Variants in PRPF6 observed in about 807,000 individuals in gnomAD.
The protein encoded by PRPF6 is pre-mRNA-processing factor 6.
PRPF6 carries 42 observed loss-of-function variants against 118.3 expected under a neutral mutation model. The ratio of observed to expected loss-of-function variants is 0.35; its 90% CI spans 0.28 to 0.46. PRPF6 has a LOEUF of 0.46. Ranked by LOEUF, PRPF6 falls within the 20% of genes least tolerant of loss-of-function variation. The pLI is 1.00. For synonymous variants in PRPF6, 481 were observed against 485.1 expected, an observed-to-expected ratio of 0.99 and a Z score of 0.11; for missense variants, 662 against 1,255.7, an observed-to-expected ratio of 0.53 and a Z score of 7.15.
Position 63,983,116 on chromosome 20 carries a change from C to T in PRPF6, c.141C>T (p.Arg47=), listed in dbSNP as rs373001762. 16 of 1,614,032 alleles carry T rather than the reference C, an allele frequency of 9.9e-6. No individual in the cohort carries two copies. The highest frequency in any genetic ancestry group is 1.3e-5 in the Non-Finnish European group (15 of 1,180,040). Residue 47 remains arginine (R), a synonymous_variant, in exon 2 of 21, where the codon CGC becomes CGT. Transcript: ENST00000266079. ...ATGCAAATGACCCTGTGGATGATCG[C>T]CATGCACCCCCAGGCAAGAGAACCG... ...ARDANDPVDD[R]HAPPGKRTVG...
intron 7 of PRPF6, 87 bp from the exon 8 acceptor site, chr20:63,999,516 T>C: frequency 6.5e-7 from 1 of 1,531,800 alleles, no homozygotes; most frequent in Non-Finnish European, 9.0e-7. Context: ...TCTTACATTG[T>C]GACTGTGAAG....
intron 9 of PRPF6, among the ~76,000 whole-genome samples, chr20:64,009,488 C>T (rs115842453): frequency 0.014 from 2,174 of 152,142 alleles, 48 homozygotes; most frequent in African/African-American, 0.05. Context: ...TTTGGGAAGC[C>T]GAAGCGGGCG....
At chr20:64,031,387 A>G (rs1432763293) in intron 19 of PRPF6, among the ~76,000 whole-genome samples, 1 of 152,172 alleles carries the variant, frequency 6.6e-6, no homozygotes, top group African/African-American at 2.4e-5. Flanking sequence ...TTTTTAAGAA[A>G]CAGTTTGGGA....
At chr20:63,992,639 T>G (rs1404247476) in intron 3 of PRPF6, among the ~76,000 whole-genome samples, 1 of 152,094 alleles carries the variant, frequency 6.6e-6, no homozygotes, top group African/African-American at 2.4e-5. Context: ...CAAATGGAGG[T>G]ATTTAGATCA....
At position 64,023,712 on chromosome 20, in the gene PRPF6, A is replaced by C. The variant is rs1005831212; in HGVS notation, c.1769+834A>C. On this transcript the variant is annotated intron_variant, in intron 13 of 20. Transcript: ENST00000266079. ...TTGGGGACGTTTTGAAATGGCTGCC[A>C]TGGTGCCCCTCTGTAGAAGGTCACC... 5.3e-5 allele frequency among the ~76,000 whole-genome samples: 8 copies of C among 152,318 alleles called. No homozygotes were observed. The East Asian group carries it at 1.4e-3, about 26-fold the overall frequency.
chr20:64,020,962 T>G, intron 12 of PRPF6, among the ~76,000 whole-genome samples: 1 of 152,202 alleles, frequency 6.6e-6, no homozygotes, highest in East Asian at 1.9e-4. Context: ...AGTTTTTGTA[T>G]TTTTAGTAGA....
Position 64,024,576 on chromosome 20 carries a change from G to A in PRPF6, c.1791G>A (p.Leu597=). The change falls in exon 14 of 21, where the codon CTG becomes CTA. Residue 597 remains leucine, a synonymous_variant. Coordinates refer to ENST00000266079, the MANE Select transcript of PRPF6 (RefSeq NM_012469.4). ...GCAGGGAGTCCCTGGAAGCACTCCT[G>A]CAGAGGGCTGTGGCCCACTGCCCCA... is the stretch of plus-strand genomic sequence containing the variant. The part of the protein sequence containing the change: ...HGTRESLEAL[L]QRAVAHCPKA... 6.2e-7 allele frequency: 1 copy of A among 1,613,612 alleles called. No individual in the cohort carries two copies. The highest frequency in any genetic ancestry group is 8.5e-7 in the Non-Finnish European group (1 of 1,180,042).
At chr20:64,020,815 C>G (rs1173818216) in intron 12 of PRPF6, among the ~76,000 whole-genome samples, 1 of 131,018 alleles carries the variant, frequency 7.6e-6, no homozygotes, top group East Asian at 2.3e-4. Flanking sequence ...GAGACAAGGT[C>G]TCTCTCTGTC....
Position 64,010,197 on chromosome 20 carries a change from T to A in PRPF6, c.1187-3T>A. On this transcript the variant is annotated splice_region_variant and splice_polypyrimidine_tract_variant and intron_variant, in intron 9 of 20. Coordinates refer to ENST00000266079, the MANE Select transcript of PRPF6 (RefSeq NM_012469.4). ...ACGTGGTTTCTCGTTTGACCTTTCC[T>A]AGCCCTCGAGCATGTTCCAAACTCG... 1 of 1,613,460 alleles carries A rather than the reference T, an allele frequency of 6.2e-7. No homozygotes were observed. The highest frequency in any genetic ancestry group is 8.5e-7 in the Non-Finnish European group (1 of 1,179,386).
rs41278240 is a variant in PRPF6 at position 64,028,584 on chromosome 20, C to T, written c.2431+15C>T. 0.12 allele frequency: 196,497 copies of T among 1,610,078 alleles called. 13,522 individuals carry two copies. The highest frequency in any genetic ancestry group is 0.24 in the African/African-American group (17,881 of 74,700). The stretch of plus-strand genomic sequence containing the variant: ...CCCCAACTCCGGTAAGGGGGTGCCC[C>T]GACTCCGGTAAGGGGGTGCCCTGAC... On this transcript the variant is annotated intron_variant, in intron 18 of 20. Transcript: ENST00000266079. The surrounding 1 kb of genome is among the most constrained non-coding windows in gnomAD (Gnocchi z 6.5).
In PRPF6 at chr20:64,027,708, C is replaced by T. The variant is rs1041029673; in HGVS notation, c.2311C>T (p.Leu771=). The T allele has an allele frequency of 3.7e-6, 6 of 1,613,918 alleles. No homozygotes were observed. Among genetic ancestry groups the T allele is most frequent in the Non-Finnish European group, 5.1e-6 (6 of 1,180,024 alleles). ...RARAILEKSR[L]KNPKNPGLWL... is the part of the protein sequence containing the mutation. ...ACGGGCCATTTTGGAAAAGTCTCGT[C>T]TGAAGAACCCAAAGAACCCTGGGCT... Residue 771 remains leucine (L), a synonymous_variant, in exon 17 of 21, where the codon CTG becomes TTG. Coordinates refer to ENST00000266079, the MANE Select transcript of PRPF6 (RefSeq NM_012469.4). The surrounding 1 kb of genome is among the most constrained non-coding windows in gnomAD (Gnocchi z 6.5).
At chr20:63,996,381 C>G (rs1328986216) in intron 6 of PRPF6, among the ~76,000 whole-genome samples, 1 of 152,104 alleles carries the variant, frequency 6.6e-6, no homozygotes. Flanking sequence ...ACAATCATGG[C>G]TGGCTACATA....
At chr20:63,998,067 C>G (rs540487526) in intron 6 of PRPF6, among the ~76,000 whole-genome samples, 5 of 152,134 alleles carry the variant, frequency 3.3e-5, no homozygotes, top group African/African-American at 1.2e-4. Context: ...AGAGACCCTG[C>G]TTTCTATTCT....
At chr20:64,023,977 G>A (rs1239805795) in intron 13 of PRPF6, among the ~76,000 whole-genome samples, 1 of 152,186 alleles carries the variant, frequency 6.6e-6, no homozygotes, top group Non-Finnish European at 1.5e-5. Flanking sequence ...GTGTGATTGT[G>A]TGTGGTCACT....
intron 6 of PRPF6, among the ~76,000 whole-genome samples, chr20:63,996,340 A>G (rs895711875): frequency 2.0e-5 from 3 of 152,090 alleles, no homozygotes; most frequent in Non-Finnish European, 4.4e-5. Flanking sequence ...CTGTCTCAAA[A>G]TAAAAAACAA....
chr20:63,989,334 A>T (rs1011759321), intron 3 of PRPF6, among the ~76,000 whole-genome samples: 2 of 152,056 alleles, frequency 1.3e-5, no homozygotes, highest in Non-Finnish European at 2.9e-5. Flanking sequence ...CTTGAGTAAT[A>T]CCCCACAAGC....
chr20:64,027,625 C>T lies in PRPF6; in HGVS notation c.2228C>T (p.Thr743Ile), dbSNP rs961636202. The change falls in exon 17 of 21, where the codon ACA becomes ATA. Residue 743 changes from threonine (T) to isoleucine (I), a missense_variant. Around this residue, in one of 10 missense-constraint regions of PRPF6, gnomAD observed 244 missense variants for 383.7 expected, o/e 0.64. Coordinates refer to ENST00000266079, the MANE Select transcript of PRPF6 (RefSeq NM_012469.4). This position sits in a 1 kb window ranked among gnomAD's most constrained non-coding sequence, Gnocchi z 6.5. The stretch of plus-strand genomic sequence containing the variant: ...CAGTTGAAGAAGTGTCCCCACTCCA[C>T]ACCCCTGTGGCTTTTGCTCTCTCGG... ...NQGLKKCPHS[T>I]PLWLLLSRLE... is the part of the protein sequence containing the mutation. 9.3e-6 allele frequency: 15 copies of T among 1,614,060 alleles called. No individual in the cohort carries two copies. In the Admixed American group the frequency reaches 1.5e-4, roughly 16 times the overall value.
chr20:63,981,573 G>T (rs1046327932), intron 1 of PRPF6, among the ~76,000 whole-genome samples: 4 of 152,134 alleles, frequency 2.6e-5, no homozygotes, highest in Admixed American at 6.5e-5. Context: ...TATACGGTCT[G>T]CAGTGAGGAG....
At chr20:63,992,233 C>T (rs1440914822) in intron 3 of PRPF6, among the ~76,000 whole-genome samples, 2 of 151,930 alleles carry the variant, frequency 1.3e-5, no homozygotes, top group Non-Finnish European at 2.9e-5. Flanking sequence ...ATTACAGGTG[C>T]CCACCACCAT....
Sources: allele counts gnomAD v4.1 joint callset (sites outside exome capture counted in the v4.1 genomes callset), GRCh38; gene constraint gnomAD v4.1.1; regional missense constraint gnomAD v4.1.1; non-coding constraint Gnocchi (gnomAD v3.1); transcripts MANE v1.5; gene names NCBI Gene and HGNC (gene_info 2026-07-23, HGNC 2026-07-21).